The following PLCE1 variants were observed in gnomAD, a reference collection of about 807,000 sequenced individuals.
PLCE1 encodes the protein phospholipase C epsilon 1.
Under a neutral mutation model 242.8 loss-of-function variants are expected in PLCE1, and 119 were observed. The ratio of observed to expected loss-of-function variants is 0.49; its 90% CI spans 0.42 to 0.57. The LOEUF is 0.57. Among genes scored for constraint, PLCE1 ranks in the 20% least tolerant of loss-of-function variants. The probability of loss-of-function intolerance (pLI) is 0.00; values close to 1 mark genes in which losing one functional copy is unlikely to be tolerated. For synonymous variants in PLCE1, 945 were observed against 1,017.4 expected, an observed-to-expected ratio of 0.93 and a Z score of 1.35; for missense variants, 2,441 against 2,788.8, an observed-to-expected ratio of 0.88 and a Z score of 2.81.
chr10:94,274,502 A>C (rs895633899), intron 19 of PLCE1, among the ~76,000 whole-genome samples: 1 of 152,132 alleles, frequency 6.6e-6, no homozygotes, highest in Non-Finnish European at 1.5e-5. Flanking sequence ...AAGGTAATAC[A>C]TTACCCAATT....
At chr10:94,085,165 A>T (rs1024008535) in intron 2 of PLCE1, among the ~76,000 whole-genome samples, 1 of 151,992 alleles carries the variant, frequency 6.6e-6, no homozygotes, top group Admixed American at 6.6e-5. Context: ...GGGTACTATT[A>T]TTGTATTTAT....
intron 20 of PLCE1, among the ~76,000 whole-genome samples, chr10:94,281,562 A>C (rs188697131): frequency 9.2e-5 from 14 of 152,314 alleles, no homozygotes; most frequent in Admixed American, 8.5e-4. Context: ...TATCATTGGA[A>C]AAGGGGACCA....
intron 4 of PLCE1, among the ~76,000 whole-genome samples, chr10:94,180,733 C>A (rs2048285403): frequency 6.6e-6 from 1 of 152,134 alleles, no homozygotes; most frequent in South Asian, 2.1e-4. Context: ...GGTGATTAGG[C>A]TGTGAGGGCT....
intron 4 of PLCE1, among the ~76,000 whole-genome samples, chr10:94,200,574 A>G (rs1196012796): frequency 1.3e-5 from 2 of 152,240 alleles, no homozygotes; most frequent in Non-Finnish European, 1.5e-5. Flanking sequence ...AGAACTCCAA[A>G]TAACTCATGA....
chr10:94,177,263 T>G (rs1344708770), intron 4 of PLCE1, among the ~76,000 whole-genome samples: 1 of 152,214 alleles, frequency 6.6e-6, no homozygotes. Context: ...GGCCTGGAGA[T>G]AAATCATTTA....
chr10:94,234,064 G>T lies in PLCE1; in HGVS notation c.1966G>T (p.Val656Phe), dbSNP rs1475640405. The change falls in exon 6 of 33, where the codon GTT becomes TTT. Residue 656 changes from valine (V) to phenylalanine (F), a missense_variant. Transcript: ENST00000371380. ...ATTTACTTGCAATAGGTCAAGAAAA[G>T]TTTTAAAAATGTGGCAGTTCATGGA... ...EFLAGLRSRKVLKMWQFMDQS... is the reference protein window; with the variant it reads ...EFLAGLRSRKFLKMWQFMDQS... The T allele has an allele frequency of 6.2e-7, 1 of 1,613,676 alleles. No individual in the cohort carries two copies.
Position 94,187,179 on chromosome 10 carries a change from T to TGTGC in PLCE1, c.1809+15688_1809+15691dup, listed in dbSNP as rs1554879697. Among the ~76,000 whole-genome samples, 402 of 149,088 alleles carry TGTGC rather than the reference T, an allele frequency of 2.7e-3. 2 individuals carry two copies. The highest frequency in any genetic ancestry group is 4.0e-3 in the Non-Finnish European group (269 of 66,892). On this transcript the variant is annotated intron_variant, in intron 4 of 32. Transcript: ENST00000371380. ...GTGTGTGTGTGTGTGTGTGTGTGTG[T>TGTGC]GTGCGTGCACACACATTACTGCATC...
intron 4 of PLCE1, among the ~76,000 whole-genome samples, chr10:94,219,968 T>C (rs1228030438): frequency 8.6e-5 from 13 of 151,972 alleles, no homozygotes; most frequent in Non-Finnish European, 1.9e-4. Context: ...GTGTCTCTCC[T>C]AAGCAAAGAG....
At chr10:94,102,568 A>C (rs978001089) in intron 2 of PLCE1, among the ~76,000 whole-genome samples, 4 of 152,190 alleles carry the variant, frequency 2.6e-5, no homozygotes, top group African/African-American at 9.7e-5. Context: ...GCCCATTGCT[A>C]GGCAACTCAT....
At chr10:94,196,187 A>G (rs921581294) in intron 4 of PLCE1, among the ~76,000 whole-genome samples, 2 of 152,136 alleles carry the variant, frequency 1.3e-5, no homozygotes, top group African/African-American at 2.4e-5. Flanking sequence ...ACTGAATCCA[A>G]ACTAACCTAT....
intron 2 of PLCE1, among the ~76,000 whole-genome samples, chr10:94,083,102 A>G (rs2044700827): frequency 6.6e-6 from 1 of 152,164 alleles, no homozygotes; most frequent in South Asian, 2.1e-4. Context: ...AGAGAATTGG[A>G]GTTTGCATTC....
At chr10:94,069,602 G>C (rs1252437533) in intron 2 of PLCE1, among the ~76,000 whole-genome samples, 1 of 152,132 alleles carries the variant, frequency 6.6e-6, no homozygotes, top group Non-Finnish European at 1.5e-5. Flanking sequence ...AACAGAGTGA[G>C]ACTCTGTCTA....
chr10:94,313,502 T>A, intron 28 of PLCE1, 120 bp downstream of exon 28: 1 of 1,087,522 alleles, frequency 9.2e-7, no homozygotes, highest in Non-Finnish European at 1.4e-6. Flanking sequence ...AAAGTCCATG[T>A]GGATGATATG....
At chr10:94,285,888 CAG>C (rs1255472346) in intron 22 of PLCE1, among the ~76,000 whole-genome samples, 1 of 152,168 alleles carries the variant, frequency 6.6e-6, no homozygotes, top group East Asian at 1.9e-4. Context: ...TTTCCAAAAA[CAG>C]TGTCCTTTTC....
rs547109204 is a variant in PLCE1, at chr10:94,320,728, AG to A, written c.6343-1170del. Among the ~76,000 whole-genome samples, 588 of 152,316 alleles carry A rather than the reference AG, an allele frequency of 3.9e-3. 3 individuals are homozygous for A. The highest frequency in any genetic ancestry group is 6.0e-3 in the Non-Finnish European group (410 of 68,038). ...TTTTACTAAGTCTCCCTCTTGCAAA[AG>A]GGAAGCTATCCTCATTTGAAAATGT... On this transcript the variant is annotated intron_variant, in intron 29 of 32. Transcript: ENST00000371380.
At chr10:94,063,148 G>A (rs1448002615) in intron 2 of PLCE1, among the ~76,000 whole-genome samples, 1 of 152,132 alleles carries the variant, frequency 6.6e-6, no homozygotes, top group Non-Finnish European at 1.5e-5. Context: ...CTATGCGCAA[G>A]CTCTGTGTAC....
intron 2 of PLCE1, among the ~76,000 whole-genome samples, chr10:94,091,650 A>C (rs538087380): frequency 6.6e-6 from 1 of 152,220 alleles, no homozygotes; most frequent in Admixed American, 6.5e-5. Flanking sequence ...AATGAAGAGT[A>C]AGAAGCCAGG....
At chr10:94,101,137 T>C (rs1446471430) in intron 2 of PLCE1, among the ~76,000 whole-genome samples, 1 of 152,118 alleles carries the variant, frequency 6.6e-6, no homozygotes, top group Non-Finnish European at 1.5e-5. Context: ...GTGAGGCTTA[T>C]GAGGAAATGG....
chr10:94,302,718 T>C (rs1264484549), intron 24 of PLCE1, among the ~76,000 whole-genome samples: 1 of 152,200 alleles, frequency 6.6e-6, no homozygotes, highest in African/African-American at 2.4e-5. Context: ...CTTTTTCTGC[T>C]TCAGTTTCCT....
Sources: allele counts gnomAD v4.1 joint callset (sites outside exome capture counted in the v4.1 genomes callset), GRCh38; gene constraint gnomAD v4.1.1; transcripts MANE v1.5; gene names NCBI Gene and HGNC (gene_info 2026-07-23, HGNC 2026-07-21).